ETV5: variants seen among roughly 807,000 people sequenced by gnomAD.
The protein encoded by ETV5 is ETS translocation variant 5.
Under a neutral mutation model 70.0 loss-of-function variants are expected in ETV5, and 10 were observed. That is an observed-to-expected ratio of 0.14 (90% CI 0.09 to 0.24). ETV5 has a LOEUF of 0.24. Ranked by LOEUF, ETV5 falls within the 10% of genes least tolerant of loss-of-function variation. The probability of loss-of-function intolerance (pLI) is 1.00; values close to 1 mark genes in which losing one functional copy is unlikely to be tolerated. For missense variants in ETV5, 453 were observed against 651.2 expected (o/e 0.70, Z 3.31); for synonymous variants, 216 against 242.2 (o/e 0.89, Z 1.01).
At chr3:186,108,146 G>T (rs1435004793) in intron 1 of ETV5, among the ~76,000 whole-genome samples, 1 of 68,656 alleles carries the variant, frequency 1.5e-5, no homozygotes, top group African/African-American at 6.3e-5. Context: ...ATCTCTCCCT[G>T]GCACCCCCTC....
intron 5 of ETV5, among the ~76,000 whole-genome samples, chr3:186,101,336 C>G (rs1488281039): frequency 6.6e-6 from 1 of 152,190 alleles, no homozygotes; most frequent in Admixed American, 6.5e-5. Flanking sequence ...GGCTGGGGTA[C>G]AGTGGTGTGA....
At chr3:186,082,846 C>T (rs1713964881) in intron 5 of ETV5, among the ~76,000 whole-genome samples, 2 of 152,226 alleles carry the variant, frequency 1.3e-5, no homozygotes, top group Admixed American at 1.3e-4. Context: ...ATGACTCTAT[C>T]ACAGATGACA....
chr3:186,102,072 A>G (rs556618388), intron 5 of ETV5, among the ~76,000 whole-genome samples: 17 of 152,320 alleles, frequency 1.1e-4, no homozygotes, highest in Non-Finnish European at 2.1e-4. Context: ...CATTCACTCA[A>G]ATCAGACTTA....
At chr3:186,055,952 A>G (rs1713152684) in intron 11 of ETV5, among the ~76,000 whole-genome samples, 1 of 152,262 alleles carries the variant, frequency 6.6e-6, no homozygotes, top group Non-Finnish European at 1.5e-5. Flanking sequence ...GCCTAAGAAC[A>G]TGCTACTAAA....
Position 186,107,426 on chromosome 3 carries a change from A to G in ETV5, c.-74-1484T>C, listed in dbSNP as rs566717563. 3.9e-4 allele frequency among the ~76,000 whole-genome samples: 60 copies of G among 152,320 alleles called. No individual in the cohort carries two copies. In the East Asian group the frequency reaches 0.012, roughly 29 times the overall value. On this transcript the variant is annotated intron_variant, in intron 1 of 12. Coordinates refer to ENST00000306376, the MANE Select transcript of ETV5 (RefSeq NM_004454.3). ...GCCTAAGACATTTTGTGAATGTGTT[A>G]GGAGGAAGGGGACAACCAGTAGAAG...
At position 186,059,110 on chromosome 3, in the gene ETV5, C is replaced by A. The variant is rs530072504; in HGVS notation, c.971-1619G>T. Among the ~76,000 whole-genome samples the A allele has an allele frequency of 2.6e-5, 4 of 152,066 alleles. No homozygotes were observed. In the South Asian group the frequency reaches 6.3e-4, roughly 24 times the overall value. ...GGTATAATTTCACCATTCTTTGTTT[C>A]TTCAGTCAACCCAGATCAAGTAGCT... is the stretch of plus-strand genomic sequence containing the variant. On this transcript the variant is annotated intron_variant, in intron 9 of 12. Transcript: ENST00000306376.
chr3:186,068,596 G>C (rs1713512082), intron 7 of ETV5, among the ~76,000 whole-genome samples: 1 of 152,316 alleles, frequency 6.6e-6, no homozygotes, highest in Non-Finnish European at 1.5e-5. Context: ...TGGGTGTGCA[G>C]TGTAGAAGGG....
intron 5 of ETV5, among the ~76,000 whole-genome samples, chr3:186,102,422 CAGG>C (rs1188736085): frequency 6.6e-6 from 1 of 152,032 alleles, no homozygotes; most frequent in Non-Finnish European, 1.5e-5. Context: ...CACCTGAGGT[CAGG>C]AGTTCAAGAC....
At chr3:186,060,311 C>CTTGTGTATCT (rs1215586367) in intron 9 of ETV5, among the ~76,000 whole-genome samples, 3 of 152,198 alleles carry the variant, frequency 2.0e-5, no homozygotes, top group Non-Finnish European at 2.9e-5. Flanking sequence ...AGAAGTATCA[C>CTTGTGTATCT]TGCGGTGTAT....
At chr3:186,092,987 T>C (rs1249764927) in intron 5 of ETV5, among the ~76,000 whole-genome samples, 1 of 152,200 alleles carries the variant, frequency 6.6e-6, no homozygotes, top group Non-Finnish European at 1.5e-5. Flanking sequence ...AGACAAGACC[T>C]TGCAGAGTTC....
At chr3:186,097,021 TAATC>T (rs1009535990) in intron 5 of ETV5, among the ~76,000 whole-genome samples, 37 of 152,198 alleles carry the variant, frequency 2.4e-4, no homozygotes, top group East Asian at 1.2e-3. Context: ...CTTGGCCAAT[TAATC>T]AATCAATCAA....
chr3:186,080,867 G>A lies in ETV5; in HGVS notation c.362+179C>T, dbSNP rs550801162. 5.6e-5 allele frequency: 34 copies of A among 611,486 alleles called. No individual in the cohort carries two copies. In the South Asian group the frequency reaches 7.3e-4, roughly 13 times the overall value. 37.9% of individuals were successfully genotyped at this position (611,486 alleles called of 1,614,324 possible). A position where few individuals can be genotyped will look rare whatever the true frequency, so the allele number is the denominator to read the frequency against. ...GGTTTTTAATGGTTTTCTTTTGTGTGCAGTACAATGATCCCAAGGGGACTG... is the reference window on the plus strand; with the variant it reads ...GGTTTTTAATGGTTTTCTTTTGTGTACAGTACAATGATCCCAAGGGGACTG... On this transcript the variant is annotated intron_variant, in intron 6 of 12. Coordinates refer to ENST00000306376, the MANE Select transcript of ETV5 (RefSeq NM_004454.3).
intron 1 of ETV5, among the ~76,000 whole-genome samples, chr3:186,106,726 T>A (rs1207567501): frequency 6.6e-6 from 1 of 152,182 alleles, no homozygotes; most frequent in African/African-American, 2.4e-5. Flanking sequence ...ATCATTTTTT[T>A]CTAGACATAC....
intron 1 of ETV5, among the ~76,000 whole-genome samples, chr3:186,107,792 C>T (rs191484684): frequency 6.6e-6 from 1 of 152,014 alleles, no homozygotes; most frequent in African/African-American, 2.4e-5. Context: ...GCGGCCGCCA[C>T]ATCAGGTAGA....
At chr3:186,064,652 A>G in intron 8 of ETV5, 176 bp from the exon 9 acceptor site, 1 of 609,712 alleles carries the variant, frequency 1.6e-6, no homozygotes, top group Non-Finnish European at 2.9e-6. Flanking sequence ...GGCAAACACC[A>G]TAACCCACCA....
At chr3:186,086,007 C>T (rs1281736561) in intron 5 of ETV5, among the ~76,000 whole-genome samples, 2 of 152,192 alleles carry the variant, frequency 1.3e-5, no homozygotes, top group Non-Finnish European at 2.9e-5. Context: ...TCTCTCTCCC[C>T]AGAAGCCCTG....
chr3:186,048,891 A>G (rs1377793631), intron 12 of ETV5, 31 bp from the exon 13 acceptor site: 1 of 1,568,118 alleles, frequency 6.4e-7, no homozygotes, highest in Non-Finnish European at 8.8e-7. Context: ...TACAGGGCCC[A>G]GTTGGAACAG....
At chr3:186,079,717 T>G in intron 7 of ETV5, 100 bp downstream of exon 7, 1 of 1,325,110 alleles carries the variant, frequency 7.5e-7, no homozygotes. Context: ...TGATAACTTT[T>G]TAGGAACCTG....
intron 7 of ETV5, chr3:186,079,190 G>T: frequency 1.5e-6 from 1 of 683,482 alleles, no homozygotes; most frequent in Non-Finnish European, 1.9e-6. Flanking sequence ...GTCAGGTTTG[G>T]AGTGTGCAGA....
Sources: allele counts gnomAD v4.1 joint callset (sites outside exome capture counted in the v4.1 genomes callset), GRCh38; gene constraint gnomAD v4.1.1; transcripts MANE v1.5; gene names NCBI Gene and HGNC (gene_info 2026-07-23, HGNC 2026-07-21).